The following PLA2R1 variants were observed in gnomAD, a reference collection of about 807,000 sequenced individuals.
The protein encoded by PLA2R1 is phospholipase A2 receptor 1.
PLA2R1 carries 158 observed loss-of-function variants against 195.9 expected under a neutral mutation model. The observed-to-expected ratio is 0.81, with a 90% CI of 0.71 to 0.92. The LOEUF is 0.92. Among genes scored for constraint, PLA2R1 ranks in the 40% least tolerant of loss-of-function variants. The pLI, the probability that PLA2R1 is intolerant of heterozygous loss-of-function variation, is 0.00. For synonymous variants in PLA2R1, 586 were observed against 598.2 expected, an observed-to-expected ratio of 0.98 and a Z score of 0.30; for missense variants, 1,626 against 1,764.6, an observed-to-expected ratio of 0.92 and a Z score of 1.41.
At chr2:159,971,606 G>C (rs1689195238) in intron 17 of PLA2R1, among the ~76,000 whole-genome samples, 1 of 151,992 alleles carries the variant, frequency 6.6e-6, no homozygotes, top group South Asian at 2.1e-4. Context: ...CTGTAAATCA[G>C]TATACTTAAT....
intron 11 of PLA2R1, among the ~76,000 whole-genome samples, chr2:159,992,880 T>C (rs1269628386): frequency 2.6e-5 from 4 of 151,972 alleles, no homozygotes; most frequent in African/African-American, 7.2e-5. Flanking sequence ...TGCCCCGGAG[T>C]CATCCCATAT....
intron 8 of PLA2R1, 145 bp downstream of exon 8, chr2:160,019,961 G>A: frequency 1.8e-6 from 1 of 569,294 alleles, no homozygotes; most frequent in Admixed American, 3.3e-5. Context: ...TTTTCTGTGT[G>A]TACTTGTTTG....
chr2:160,038,532 C>A (rs1267488475), intron 3 of PLA2R1, among the ~76,000 whole-genome samples: 1 of 152,160 alleles, frequency 6.6e-6, no homozygotes, highest in East Asian at 1.9e-4. Context: ...GGAGGAGGAA[C>A]ATCATCCTCG....
At chr2:159,967,816 T>A (rs985463683) in intron 19 of PLA2R1, 138 bp from the exon 20 acceptor site, 1 of 630,600 alleles carries the variant, frequency 1.6e-6, no homozygotes. Flanking sequence ...ACTAAACTAC[T>A]GATCTTAGAT....
At chr2:160,051,013 G>A (rs1695180863) in intron 1 of PLA2R1, among the ~76,000 whole-genome samples, 1 of 152,218 alleles carries the variant, frequency 6.6e-6, no homozygotes, top group African/African-American at 2.4e-5. Context: ...GTGTTAAAGT[G>A]AGTAAGATAA....
At chr2:159,954,993 G>A (rs540693139) in intron 23 of PLA2R1, among the ~76,000 whole-genome samples, 3 of 152,126 alleles carry the variant, frequency 2.0e-5, no homozygotes, top group Non-Finnish European at 2.9e-5. Context: ...AAGTGGCCTC[G>A]GCAGTCCTTA....
intron 11 of PLA2R1, among the ~76,000 whole-genome samples, chr2:159,990,487 G>T (rs548652310): frequency 6.6e-6 from 1 of 152,270 alleles, no homozygotes; most frequent in African/African-American, 2.4e-5. Flanking sequence ...AACTTTTTGT[G>T]CTGGCTTTTC....
At chr2:159,924,734 G>GA in the PLA2R1 span, among the ~76,000 whole-genome samples, 16 of 150,782 alleles carry the variant, frequency 1.1e-4, no homozygotes, top group South Asian at 2.1e-3. Flanking sequence ...GGGGCTGGGG[G>GA]GGGGGCGGTG....
chr2:159,946,202 CTAAACAATGT>C, intron 27 of PLA2R1: 5 of 913,506 alleles, frequency 5.5e-6, no homozygotes, highest in Non-Finnish European at 6.5e-6. Context: ...GCTTGAAATT[CTAAACAATGT>C]TGGTGATTAA....
chr2:160,029,873 G>C (rs964280913), intron 4 of PLA2R1, among the ~76,000 whole-genome samples: 1 of 152,168 alleles, frequency 6.6e-6, no homozygotes, highest in African/African-American at 2.4e-5. Flanking sequence ...GGAGAGCATT[G>C]TTCGCTTACA....
intron 12 of PLA2R1, among the ~76,000 whole-genome samples, chr2:159,985,918 A>T (rs748819638): frequency 6.6e-6 from 1 of 152,048 alleles, no homozygotes; most frequent in African/African-American, 2.4e-5. Flanking sequence ...AACTGTCCTT[A>T]TCCCTCCTAG....
At chr2:159,977,616 T>C (rs1401965186) in intron 14 of PLA2R1, among the ~76,000 whole-genome samples, 200 bp from the exon 15 acceptor site, 1 of 152,046 alleles carries the variant, frequency 6.6e-6, no homozygotes, top group African/African-American at 2.4e-5. Flanking sequence ...TTCTTAAAGA[T>C]GCCTTTTTAA....
At chr2:160,005,902 G>A (rs767489570) in intron 10 of PLA2R1, 81 bp from the exon 11 acceptor site, 1 of 912,668 alleles carries the variant, frequency 1.1e-6, no homozygotes, top group South Asian at 1.5e-5. Flanking sequence ...GAAGTGCACA[G>A]AATGGCCCCA....
intron 3 of PLA2R1, among the ~76,000 whole-genome samples, chr2:160,036,936 T>C (rs1361121514): frequency 6.6e-6 from 1 of 152,214 alleles, no homozygotes. Flanking sequence ...CTCTTTGTTA[T>C]ACCATTGTAG....
intron 4 of PLA2R1, 43 bp downstream of exon 4, chr2:160,032,916 C>T (rs1376035225): frequency 3.8e-6 from 5 of 1,320,586 alleles, no homozygotes; most frequent in Non-Finnish European, 5.4e-6. Context: ...TAACAACCAT[C>T]TTTTATTGTA....
At chr2:159,954,132 A>C (rs1314329602) in intron 23 of PLA2R1, among the ~76,000 whole-genome samples, 1 of 152,110 alleles carries the variant, frequency 6.6e-6, no homozygotes. Context: ...CGTGCCTAGC[A>C]AGGATGACTT....
chr2:160,060,371 C>A (rs1190745310), intron 1 of PLA2R1, among the ~76,000 whole-genome samples: 1 of 152,136 alleles, frequency 6.6e-6, no homozygotes, highest in Non-Finnish European at 1.5e-5. Context: ...AGGTTCTTTT[C>A]AATGTTAAGA....
At chr2:160,022,922 C>T (rs1374193508) in intron 6 of PLA2R1, 63 bp from the exon 7 acceptor site, 1 of 1,155,180 alleles carries the variant, frequency 8.7e-7, no homozygotes, top group Admixed American at 2.3e-5. Context: ...CTTATTACAG[C>T]TTATGTAAAT....
At chr2:159,927,855 A>G (rs1015633680), downstream of PLA2R1, among the ~76,000 whole-genome samples, 2 of 152,208 alleles carry the variant, frequency 1.3e-5, no homozygotes, top group South Asian at 2.1e-4. Flanking sequence ...GAATCATGAG[A>G]TTAGTTCTCA....
Sources: allele counts gnomAD v4.1 joint callset (sites outside exome capture counted in the v4.1 genomes callset), GRCh38; gene constraint gnomAD v4.1.1; transcripts MANE v1.5; gene names NCBI Gene and HGNC (gene_info 2026-07-23, HGNC 2026-07-21).